The following STRBP variants were observed in gnomAD, a reference collection of about 807,000 sequenced individuals.
STRBP encodes the protein spermatid perinuclear RNA binding protein.
Under a neutral mutation model 80.1 loss-of-function variants are expected in STRBP, and 13 were observed. That is an observed-to-expected ratio of 0.16 (90% CI 0.11 to 0.26). STRBP has a LOEUF of 0.26. Ranked by LOEUF, STRBP falls within the 10% of genes least tolerant of loss-of-function variation. The pLI, the probability that STRBP is intolerant of heterozygous loss-of-function variation, is 1.00. For synonymous variants in STRBP, 284 were observed against 291.2 expected (o/e 0.98, Z 0.25); for missense variants, 485 against 815.2 (o/e 0.59, Z 4.93).
intron 2 of STRBP, among the ~76,000 whole-genome samples, chr9:123,188,909 G>C (rs550551282): frequency 1.5e-4 from 23 of 151,940 alleles, no homozygotes; most frequent in Non-Finnish European, 3.1e-4. Context: ...AAAATAAACA[G>C]GCTTTATTTC....
intron 2 of STRBP, among the ~76,000 whole-genome samples, chr9:123,200,941 T>C (rs919305178): frequency 6.6e-6 from 1 of 151,768 alleles, no homozygotes; most frequent in Non-Finnish European, 1.5e-5. Context: ...CAAGGTTTTA[T>C]TTCTTCCTGA....
intron 1 of STRBP, among the ~76,000 whole-genome samples, chr9:123,256,318 T>C (rs2041029349): frequency 1.3e-5 from 2 of 152,140 alleles, no homozygotes; most frequent in African/African-American, 2.4e-5. Context: ...CCACTACCTA[T>C]ACCTATTTCC....
At chr9:123,139,159 T>C (rs1283966729) in intron 14 of STRBP, among the ~76,000 whole-genome samples, 1 of 152,320 alleles carries the variant, frequency 6.6e-6, no homozygotes, top group East Asian at 1.9e-4. Context: ...CTCCTCTACA[T>C]CTTGTAGTTT....
chr9:123,159,424 T>G (rs1438521936), intron 8 of STRBP, among the ~76,000 whole-genome samples: 1 of 152,174 alleles, frequency 6.6e-6, no homozygotes, highest in Non-Finnish European at 1.5e-5. Context: ...AGAAGACATT[T>G]TTGTAACAAA....
chr9:123,133,831 C>T (rs967723910), intron 16 of STRBP, among the ~76,000 whole-genome samples: 3 of 151,946 alleles, frequency 2.0e-5, no homozygotes, highest in Non-Finnish European at 2.9e-5. Context: ...TGTGAGCCAC[C>T]GCACCTGGCC....
At chr9:123,189,624 A>C (rs2038846350) in intron 2 of STRBP, among the ~76,000 whole-genome samples, 1 of 151,816 alleles carries the variant, frequency 6.6e-6, no homozygotes, top group African/African-American at 2.4e-5. Context: ...GCATGTCCTC[A>C]CTCATAGGTG....
At position 123,115,362 on chromosome 9, in the gene STRBP, T is replaced by C. The variant is rs768442498; in HGVS notation, c.*84+567A>G. On this transcript the variant is annotated intron_variant and NMD_transcript_variant, in intron 3 of 3. Transcript: ENST00000471564. This position sits in a 1 kb window ranked among gnomAD's most constrained non-coding sequence, Gnocchi z 5.0. ...TCGGCGGGAGACCTGGGAACGGGCC[T>C]GCCAGCGCCCAGCCCAGGGCTGGCA... 1 of 470,942 alleles carries C rather than the reference T, an allele frequency of 2.1e-6. No individual in the cohort carries two copies. The allele number at this position is 470,942 out of a possible 1,614,324, so 29.2% of individuals were successfully genotyped here.
At chr9:123,244,875 A>C (rs1228628528) in intron 1 of STRBP, among the ~76,000 whole-genome samples, 1 of 152,246 alleles carries the variant, frequency 6.6e-6, no homozygotes, top group Non-Finnish European at 1.5e-5. Flanking sequence ...CAGCTTTAAC[A>C]GTAATAGCCA....
At chr9:123,235,621 T>G (rs1157506143) in intron 2 of STRBP, among the ~76,000 whole-genome samples, 2 of 126,364 alleles carry the variant, frequency 1.6e-5, no homozygotes, top group African/African-American at 5.9e-5. Context: ...AAAAAAGTTA[T>G]CCCAGAGAGC....
intron 2 of STRBP, among the ~76,000 whole-genome samples, chr9:123,213,422 A>G (rs927289847): frequency 3.3e-5 from 5 of 152,236 alleles, no homozygotes; most frequent in Middle Eastern, 3.2e-3. Flanking sequence ...GACTAAATTC[A>G]GCTTCAAAAA....
intron 1 of STRBP, among the ~76,000 whole-genome samples, chr9:123,242,052 G>A (rs528925325): frequency 6.6e-6 from 1 of 152,180 alleles, no homozygotes; most frequent in East Asian, 1.9e-4. Flanking sequence ...CCTCTGCCTG[G>A]AATAGTCTTC....
chr9:123,140,365 C>T (rs865981460), intron 13 of STRBP, among the ~76,000 whole-genome samples: 4 of 152,144 alleles, frequency 2.6e-5, no homozygotes, highest in Non-Finnish European at 5.9e-5. Flanking sequence ...GAAGCCAAGG[C>T]GGGTGGATCA....
chr9:123,260,380 G>C (rs1035686011), intron 1 of STRBP, among the ~76,000 whole-genome samples: 1 of 152,214 alleles, frequency 6.6e-6, no homozygotes, highest in Non-Finnish European at 1.5e-5. Context: ...GCTCAGAAGA[G>C]AGGCTGGACC....
At chr9:123,164,037 CTTGT>C (rs1240324277) in intron 6 of STRBP, among the ~76,000 whole-genome samples, 1 of 151,896 alleles carries the variant, frequency 6.6e-6, no homozygotes, top group Non-Finnish European at 1.5e-5. Context: ...TTTTTGTTTG[CTTGT>C]TTTTGTTTTG....
intron 17 of STRBP, among the ~76,000 whole-genome samples, chr9:123,129,575 A>G (rs1173063992): frequency 1.3e-5 from 2 of 152,138 alleles, no homozygotes; most frequent in African/African-American, 4.8e-5. Flanking sequence ...CCTTGAGAAC[A>G]GGATCAATTA....
At chr9:123,188,786 T>C (rs563046945) in intron 2 of STRBP, among the ~76,000 whole-genome samples, 84 of 152,292 alleles carry the variant, frequency 5.5e-4, no homozygotes, top group African/African-American at 1.5e-3. Context: ...CCAAGTAATG[T>C]TTTGCAAACA....
intron 1 of STRBP, among the ~76,000 whole-genome samples, chr9:123,252,538 A>G (rs2040939057): frequency 1.3e-5 from 2 of 152,350 alleles, no homozygotes; most frequent in Non-Finnish European, 2.9e-5. Flanking sequence ...CCAAGCTACA[A>G]GGGCATTTTA....
At chr9:123,161,441 A>C (rs1396847261) in intron 6 of STRBP, among the ~76,000 whole-genome samples, 1 of 152,228 alleles carries the variant, frequency 6.6e-6, no homozygotes, top group Non-Finnish European at 1.5e-5. Flanking sequence ...GAAATCTGGG[A>C]CCAATAGCAT....
intron 2 of STRBP, among the ~76,000 whole-genome samples, chr9:123,206,465 T>A (rs1182170282): frequency 6.6e-6 from 1 of 152,262 alleles, no homozygotes; most frequent in East Asian, 1.9e-4. Context: ...AATGTGGATA[T>A]CTGGGATTTT....
Sources: allele counts gnomAD v4.1 joint callset (sites outside exome capture counted in the v4.1 genomes callset), GRCh38; gene constraint gnomAD v4.1.1; non-coding constraint Gnocchi (gnomAD v3.1); transcripts MANE v1.5; gene names NCBI Gene and HGNC (gene_info 2026-07-23, HGNC 2026-07-21).